Variants in ATP6V0C observed in about 807,000 individuals in gnomAD.
ATP6V0C encodes the protein V-type proton ATPase 16 kDa proteolipid subunit c.
In ATP6V0C, 2 loss-of-function variants were observed where a neutral mutation model predicts 10.6. The ratio of observed to expected loss-of-function variants is 0.19; its 90% CI spans 0.08 to 0.59. ATP6V0C has a LOEUF of 0.59. ATP6V0C is among the 20% of genes least tolerant of loss of function. The pLI is 0.90. For synonymous variants in ATP6V0C, 128 were observed against 101.3 expected (o/e 1.26, Z -1.59); for missense variants, 89 against 225.9 (o/e 0.39, Z 3.88).
chr16:2,517,810 A>C (rs2065885101), intron 1 of ATP6V0C: 2 of 151,970 alleles, frequency 1.3e-5, no homozygotes, highest in Non-Finnish European at 2.9e-5. Flanking sequence ...TGTGTCGCCC[A>C]GGCTGGAGTG....
Position 2,514,094 on chromosome 16 carries a change from A to G in ATP6V0C, c.-10A>G, listed in dbSNP as rs11546341. On this transcript the variant is annotated 5_prime_UTR_variant, in exon 1 of 3. Transcript: ENST00000330398. Reference sequence around the variant, plus strand: ...GGCCCGCAGAGCTTGCCCCCTCCCCACCCGCAGACATGTCCGAGTCCAAGA... The same window carrying G: ...GGCCCGCAGAGCTTGCCCCCTCCCCGCCCGCAGACATGTCCGAGTCCAAGA... 5.6e-3 allele frequency: 8,686 copies of G among 1,564,296 alleles called. 280 individuals carry two copies. The African/African-American group carries it at 0.082, about 15-fold the overall frequency.
At chr16:2,517,368 C>T (rs952589320) in intron 1 of ATP6V0C, 1 of 152,340 alleles carries the variant, frequency 6.6e-6, no homozygotes, top group Non-Finnish European at 1.5e-5. Flanking sequence ...CTTCCTCCCT[C>T]TATAGTCACT....
intron 1 of ATP6V0C, among the ~76,000 whole-genome samples, chr16:2,514,652 G>C (rs1021984070): frequency 8.5e-5 from 13 of 152,196 alleles, no homozygotes; most frequent in Non-Finnish European, 1.9e-4. Context: ...TCCGGCTGGT[G>C]GGGAGCCCAT....
Position 2,519,970 on chromosome 16 carries a change from C to G in ATP6V0C, c.*225C>G, listed in dbSNP as rs755380347. On this transcript the variant is annotated 3_prime_UTR_variant, in exon 3 of 3. Coordinates refer to ENST00000330398, the MANE Select transcript of ATP6V0C (RefSeq NM_001694.4). ...ATCGCCCCTCCAGGCCCCCGGCGCC[C>G]CACCCCCTAGAGTGCTCTGTGTATG... is the stretch of plus-strand genomic sequence containing the variant. The G allele has an allele frequency of 5.6e-6, 4 of 713,808 alleles. No individual in the cohort carries two copies. Among genetic ancestry groups the G allele is most frequent in the Non-Finnish European group, 5.0e-6 (2 of 398,108 alleles). The allele number at this position is 713,808 out of a possible 1,614,324, so 44.2% of individuals were successfully genotyped here.
At chr16:2,514,343 G>T in intron 1 of ATP6V0C, 161 bp downstream of exon 1, 1 of 677,246 alleles carries the variant, frequency 1.5e-6, no homozygotes, top group Non-Finnish European at 2.1e-6. Context: ...CGCCCCGAGG[G>T]CTGCGGGGAG....
upstream of ATP6V0C, chr16:2,513,850 G>A: frequency 2.9e-6 from 1 of 350,750 alleles, no homozygotes; most frequent in Admixed American, 5.2e-5. Flanking sequence ...AGGTCAACGG[G>A]CCGGCCGGGC....
intron 1 of ATP6V0C, among the ~76,000 whole-genome samples, chr16:2,518,668 G>C (rs1311844854): frequency 6.6e-6 from 1 of 152,200 alleles, no homozygotes; most frequent in Non-Finnish European, 1.5e-5. Flanking sequence ...TTGGGGCTGG[G>C]AGCGTTGGGG....
intron 1 of ATP6V0C, 172 bp downstream of exon 1, chr16:2,514,354 C>A: frequency 1.8e-6 from 1 of 559,364 alleles, no homozygotes; most frequent in Non-Finnish European, 2.7e-6. Context: ...CTGCGGGGAG[C>A]CGCCGGGGGT....
In ATP6V0C at chr16:2,514,305, G is replaced by T. The variant is rs939223010; in HGVS notation, c.79+123G>T. ...ATCCCGAGCTGTCGGGGGCGCCCGG[G>T]CCTCGTGTGACAGCGGGCGGGGGTC... On this transcript the variant is annotated intron_variant, in intron 1 of 2. Transcript: ENST00000330398. The T allele has an allele frequency of 4.1e-4, 454 of 1,114,748 alleles. 1 individual carries two copies. Among genetic ancestry groups the T allele is most frequent in the Non-Finnish European group, 4.9e-4 (413 of 846,526 alleles). The allele number at this position is 1,114,748 out of a possible 1,614,324, so 69.1% of individuals were successfully genotyped here. A position where few individuals can be genotyped will look rare whatever the true frequency, so the allele number is the denominator to read the frequency against.
chr16:2,519,997 G>A lies in ATP6V0C; in HGVS notation c.*252G>A. The A allele has an allele frequency of 1.4e-6, 1 of 693,680 alleles. No homozygotes were observed. Among genetic ancestry groups the A allele is most frequent in the Non-Finnish European group, 2.6e-6 (1 of 381,586 alleles). 43.0% of individuals were successfully genotyped at this position (693,680 alleles called of 1,614,324 possible). A position where few individuals can be genotyped will look rare whatever the true frequency, so the allele number is the denominator to read the frequency against. On this transcript the variant is annotated 3_prime_UTR_variant, in exon 3 of 3. Transcript: ENST00000330398. ...ACCCCCTAGAGTGCTCTGTGTATGC[G>A]GATGATTTAGAATTGTCATTTCTCT...
upstream of ATP6V0C, chr16:2,513,821 G>A (rs1339010723): frequency 8.5e-6 from 2 of 236,250 alleles, no homozygotes; most frequent in Non-Finnish European, 1.6e-5. Context: ...GTCGCTGGGC[G>A]GGCGGCACAG....
chr16:2,520,063 G>C lies in ATP6V0C; in HGVS notation c.*318G>C. On this transcript the variant is annotated 3_prime_UTR_variant, in exon 3 of 3. Transcript: ENST00000330398. ...TTATAAAGATCTGGCCTGTTCCTGC[G>C]TCTGCGGAGCGGCCCTTGTCTCCCA... 1.6e-6 allele frequency: 1 copy of C among 631,126 alleles called. No individual in the cohort carries two copies. Among genetic ancestry groups the C allele is most frequent in the South Asian group, 1.5e-5 (1 of 66,062 alleles). The allele number at this position is 631,126 out of a possible 1,614,324, so 39.1% of individuals were successfully genotyped here. A position where few individuals can be genotyped will look rare whatever the true frequency, so the allele number is the denominator to read the frequency against.
chr16:2,519,903 T>TTGCCCCCCCCCCCCCCC lies in ATP6V0C; in HGVS notation c.*165_*166insCCCCCCCCCCTGCCCCC. ...GTGCCCATCGTCTGTTTCCCCGGCC[T>TTGCCCCCCCCCCCCCCC]TGCCCCCGCCCGCCCCGTGCCGTGG... On this transcript the variant is annotated 3_prime_UTR_variant, in exon 3 of 3. Coordinates refer to ENST00000330398, the MANE Select transcript of ATP6V0C (RefSeq NM_001694.4). The TTGCCCCCCCCCCCCCCC allele has an allele frequency of 9.4e-7, 1 of 1,064,748 alleles. No homozygotes were observed. The highest frequency in any genetic ancestry group is 1.4e-6 in the Non-Finnish European group (1 of 716,634). The allele number at this position is 1,064,748 out of a possible 1,614,324, so 66.0% of individuals were successfully genotyped here.
intron 1 of ATP6V0C, among the ~76,000 whole-genome samples, chr16:2,515,869 T>C (rs528466556): frequency 7.2e-5 from 11 of 152,324 alleles, no homozygotes; most frequent in African/African-American, 2.6e-4. Context: ...CTTGAAGCCC[T>C]GAGTTTGTCC....
At chr16:2,517,188 T>C (rs1307064312) in intron 1 of ATP6V0C, 1 of 152,420 alleles carries the variant, frequency 6.6e-6, no homozygotes, top group Non-Finnish European at 1.5e-5. Context: ...GTAATTGCTC[T>C]ATATGCTTGC....
rs1024402919 is a variant in ATP6V0C at position 2,513,998 on chromosome 16, C to T, written c.-106C>T. On this transcript the variant is annotated 5_prime_UTR_variant, in exon 1 of 3. Transcript: ENST00000330398. ...GAGCGCAGCGGCTGACGGGCCGGAT[C>T]GCCTTCGCCGCCGCCCGCCCGCAAA... 1.5e-5 allele frequency: 15 copies of T among 1,009,430 alleles called. No homozygotes were observed. The highest frequency in any genetic ancestry group is 3.4e-5 in the African/African-American group (2 of 57,980). The allele number at this position is 1,009,430 out of a possible 1,614,324, so 62.5% of individuals were successfully genotyped here.
chr16:2,519,177 C>T, intron 1 of ATP6V0C, 41 bp from the exon 2 acceptor site: 1 of 1,564,846 alleles, frequency 6.4e-7, no homozygotes, highest in East Asian at 2.3e-5. Context: ...TCTCAACTGG[C>T]CTGCGTACTG....
At chr16:2,516,270 G>C (rs554375543) in intron 1 of ATP6V0C, among the ~76,000 whole-genome samples, 1 of 150,356 alleles carries the variant, frequency 6.7e-6, no homozygotes, top group South Asian at 2.1e-4. Context: ...AGGCTACCAT[G>C]CCCAGCTAAT....
At chr16:2,519,088 C>T in intron 1 of ATP6V0C, 130 bp from the exon 2 acceptor site, 1 of 1,148,066 alleles carries the variant, frequency 8.7e-7, no homozygotes, top group Non-Finnish European at 1.2e-6. Context: ...GGCTGGATGC[C>T]TTCTTCGGCT....
Sources: gnomAD v4.1 joint callset for allele counts (sites outside exome capture counted in the v4.1 genomes callset) on GRCh38, gnomAD v4.1.1 for gene constraint, MANE v1.5 for transcripts, NCBI Gene and HGNC (gene_info 2026-07-23, HGNC 2026-07-21) for gene names.